Variants in MMD2 observed in about 807,000 individuals in gnomAD.
MMD2 encodes the protein monocyte to macrophage differentiation associated 2.
In MMD2, 30 loss-of-function variants were observed where a neutral mutation model predicts 33.5. The observed-to-expected ratio is 0.90, with a 90% CI of 0.67 to 1.22. The LOEUF (loss-of-function observed/expected upper bound fraction) is 1.22, where lower values mean the gene tolerates loss of function less well. MMD2 is among the 50% of genes most tolerant of loss of function. MMD2 has a pLI of 0.00. For synonymous variants in MMD2, 129 were observed against 123.0 expected, an observed-to-expected ratio of 1.05 and a Z score of -0.32; for missense variants, 364 against 325.4, an observed-to-expected ratio of 1.12 and a Z score of -0.91.
Position 4,940,633 on chromosome 7 carries a change from C to G in MMD2, c.48-15101G>C, listed in dbSNP as rs1420272189. Among the ~76,000 whole-genome samples, 1 of 152,184 alleles carries G rather than the reference C, an allele frequency of 6.6e-6. No individual in the cohort carries two copies. The highest frequency in any genetic ancestry group is 6.5e-5 in the Admixed American group (1 of 15,278). On this transcript the variant is annotated intron_variant, in intron 1 of 6. Coordinates refer to ENST00000401401, the MANE Select transcript of MMD2 (RefSeq NM_198403.4). This position sits in a 1 kb window ranked among gnomAD's most constrained non-coding sequence, Gnocchi z 5.0. ...TTCAAGGCTCCTCCTGAAAGGCCGG[C>G]GGTATCTTGGCTCAGTCTTTGGGAA...
chr7:4,941,619 G>A, intron 1 of MMD2, among the ~76,000 whole-genome samples: 1 of 124,810 alleles, frequency 8.0e-6, no homozygotes, highest in Non-Finnish European at 1.6e-5. Context: ...GACAGAGTGA[G>A]AACCTGTCTC....
At chr7:4,937,195 G>A (rs1404053239) in intron 1 of MMD2, among the ~76,000 whole-genome samples, 2 of 151,304 alleles carry the variant, frequency 1.3e-5, no homozygotes, top group Admixed American at 6.6e-5. Context: ...TCAGGGGTTC[G>A]AGACCAGCTT....
At chr7:4,896,250 C>G in the MMD2 span, among the ~76,000 whole-genome samples, 1 of 152,050 alleles carries the variant, frequency 6.6e-6, no homozygotes, top group South Asian at 2.1e-4. Context: ...GAGGCTGAGG[C>G]GGGTGGACTG....
intron 1 of MMD2, among the ~76,000 whole-genome samples, chr7:4,945,887 TC>T (rs1786062513): frequency 6.6e-6 from 1 of 152,200 alleles, no homozygotes; most frequent in African/African-American, 2.4e-5. Flanking sequence ...TTTCCTTCTT[TC>T]CTCCAGGACA....
rs769154102 is a variant in MMD2 at position 4,906,177 on chromosome 7, C to A, written c.*1219G>T. The stretch of plus-strand genomic sequence containing the variant: ...GAGACAGATTCTTTATCCAGAGAAT[C>A]TGAGATTCCAATTCAGATCCTGGAG... On this transcript the variant is annotated 3_prime_UTR_variant, in exon 7 of 7. Transcript: ENST00000401401. The A allele has an allele frequency of 5.2e-4, 144 of 275,006 alleles. No homozygotes were observed. The highest frequency in any genetic ancestry group is 5.6e-4 in the Non-Finnish European group (82 of 147,572). 17.0% of individuals were successfully genotyped at this position (275,006 alleles called of 1,614,324 possible).
chr7:4,926,389 C>T (rs1785428415), intron 1 of MMD2, among the ~76,000 whole-genome samples: 2 of 152,164 alleles, frequency 1.3e-5, no homozygotes, highest in African/African-American at 4.8e-5. Flanking sequence ...CCACCGCTTC[C>T]GGCCTCATTT....
chr7:4,921,215 C>G (rs1181252904), intron 2 of MMD2, among the ~76,000 whole-genome samples: 1 of 152,214 alleles, frequency 6.6e-6, no homozygotes, highest in Middle Eastern at 3.4e-3. Context: ...CACATGTGAC[C>G]CATCATCACC....
chr7:4,931,044 T>A (rs1351667940), intron 1 of MMD2, among the ~76,000 whole-genome samples: 3 of 152,106 alleles, frequency 2.0e-5, no homozygotes, highest in African/African-American at 4.8e-5. Context: ...AGAGATGGGG[T>A]TTCACCATGT....
chr7:4,937,647 T>C (rs924683069), intron 1 of MMD2, among the ~76,000 whole-genome samples: 3 of 152,134 alleles, frequency 2.0e-5, no homozygotes, highest in East Asian at 3.9e-4. Flanking sequence ...TAACTGGGAC[T>C]GCAGGCATGC....
At chr7:4,950,296 C>G (rs1359036682) in intron 1 of MMD2, among the ~76,000 whole-genome samples, 1 of 152,104 alleles carries the variant, frequency 6.6e-6, no homozygotes, top group Non-Finnish European at 1.5e-5. Flanking sequence ...TGGGGTTTCT[C>G]CACGTTGGTC....
intron 3 of MMD2, among the ~76,000 whole-genome samples, chr7:4,916,957 A>T (rs553708920): frequency 7.6e-4 from 115 of 152,234 alleles, no homozygotes; most frequent in African/African-American, 2.5e-3. Context: ...CTGTAGGCCT[A>T]GCTACTCCAG....
chr7:4,911,006 G>A, intron 5 of MMD2, 139 bp downstream of exon 5: 1 of 700,824 alleles, frequency 1.4e-6, no homozygotes, highest in South Asian at 2.0e-5. Flanking sequence ...GGCCACCCAT[G>A]AGCCTGAATG....
intron 1 of MMD2, among the ~76,000 whole-genome samples, chr7:4,938,883 G>T (rs542840249): frequency 3.9e-5 from 6 of 152,088 alleles, no homozygotes; most frequent in East Asian, 1.9e-4. Flanking sequence ...AACACTCAAG[G>T]CCAGATGACA....
the MMD2 span, among the ~76,000 whole-genome samples, chr7:4,898,062 C>G: frequency 6.6e-6 from 1 of 152,088 alleles, no homozygotes; most frequent in Non-Finnish European, 1.5e-5. Flanking sequence ...GCCTTCTAAA[C>G]CCTCCTGACC....
At chr7:4,935,450 TTTA>T (rs1379687604) in intron 1 of MMD2, among the ~76,000 whole-genome samples, 1 of 152,020 alleles carries the variant, frequency 6.6e-6, no homozygotes. Flanking sequence ...TAGAAGTTTC[TTTA>T]TTATTATTAT....
chr7:4,905,174 C>A (rs1009080718), downstream of MMD2, among the ~76,000 whole-genome samples: 10 of 151,236 alleles, frequency 6.6e-5, no homozygotes, highest in African/African-American at 2.4e-4. The surrounding 1 kb of genome is among the most constrained non-coding windows in gnomAD (Gnocchi z 5.0). Flanking sequence ...TGCTATGGGG[C>A]CACTAAAGAA....
chr7:4,897,314 A>G, the MMD2 span, among the ~76,000 whole-genome samples: 242 of 152,038 alleles, frequency 1.6e-3, 3 homozygotes, highest in Admixed American at 5.0e-3. Context: ...CATTGGAAAC[A>G]ATAATATTCA....
Position 4,907,344 on chromosome 7 carries a change from A to C in MMD2, c.*52T>G. ...CGCTGTGCTCTGGGTTAACGTTCAC[A>C]GAAACGTGCTCCACTCCTAAAGCCC... On this transcript the variant is annotated 3_prime_UTR_variant, in exon 7 of 7. Coordinates refer to ENST00000401401, the MANE Select transcript of MMD2 (RefSeq NM_198403.4). The C allele has an allele frequency of 6.3e-7, 1 of 1,579,356 alleles. No individual in the cohort carries two copies. Among genetic ancestry groups the C allele is most frequent in the Non-Finnish European group, 8.7e-7 (1 of 1,150,304 alleles).
chr7:4,915,782 T>A (rs1785125778), intron 4 of MMD2, among the ~76,000 whole-genome samples: 1 of 152,032 alleles, frequency 6.6e-6, no homozygotes, highest in Non-Finnish European at 1.5e-5. Flanking sequence ...TATTTGCTTT[T>A]TCTGCATAAA....
Sources: gnomAD v4.1 joint callset for allele counts (sites outside exome capture counted in the v4.1 genomes callset) on GRCh38, gnomAD v4.1.1 for gene constraint, Gnocchi (gnomAD v3.1) non-coding constraint, MANE v1.5 for transcripts, NCBI Gene and HGNC (gene_info 2026-07-23, HGNC 2026-07-21) for gene names.